Variants in VARS1 observed in about 807,000 individuals in gnomAD.
VARS1 encodes the protein valyl-tRNA synthetase 1, also known as valine--tRNA ligase.
VARS1 carries 92 observed loss-of-function variants against 161.0 expected under a neutral mutation model. The observed-to-expected ratio is 0.57, with a 90% confidence interval of 0.48 to 0.68. The LOEUF is 0.68. VARS1 is among the 30% of genes least tolerant of loss of function. VARS1 has a pLI of 0.00. For missense variants in VARS1, 1,338 were observed against 1,695.9 expected (o/e 0.79, Z 3.71); for synonymous variants, 595 against 682.5 (o/e 0.87, Z 2.00).
Position 31,784,125 on chromosome 6 carries a change from C to T in VARS1, c.1671+89G>A. On this transcript the variant is annotated intron_variant, in intron 13 of 29. Transcript: ENST00000375663. The surrounding 1 kb of genome is among the most constrained non-coding windows in gnomAD (Gnocchi z 6.1). ...TTCTAACCCAGTTTCCTCTCCTCAG[C>T]CAGGGGCCTAAGTCCAACCCCTCCA... 1 of 1,462,890 alleles carries T rather than the reference C, an allele frequency of 6.8e-7. No individual in the cohort carries two copies. Among genetic ancestry groups the T allele is most frequent in the Non-Finnish European group, 9.4e-7 (1 of 1,058,814 alleles). The allele number at this position is 1,462,890 out of a possible 1,614,324, so 90.6% of individuals were successfully genotyped here. A position where few individuals can be genotyped will look rare whatever the true frequency, so the allele number is the denominator to read the frequency against.
At chr6:31,783,950 C>T (rs707924) in intron 13 of VARS1, among the ~76,000 whole-genome samples, 36,046 of 152,020 alleles carry the variant, frequency 0.24, 4,829 homozygotes, top group African/African-American at 0.33. Context: ...CATGAGCCAC[C>T]GTGCCTGGCT....
rs1308856831 is a variant in VARS1, at chr6:31,781,626, T to C, written c.2419-20A>G. On this transcript the variant is annotated intron_variant, in intron 20 of 29. Coordinates refer to ENST00000375663, the MANE Select transcript of VARS1 (RefSeq NM_006295.3). This position sits in a 1 kb window ranked among gnomAD's most constrained non-coding sequence, Gnocchi z 6.8. ...TTCTGACTGAGGGCAGACCAGGGTGTGAAGGGGAGCCAACACCCACCCTCC... is the reference window on the plus strand; with the variant it reads ...TTCTGACTGAGGGCAGACCAGGGTGCGAAGGGGAGCCAACACCCACCCTCC... The C allele has an allele frequency of 9.3e-6, 15 of 1,612,662 alleles. No individual in the cohort carries two copies. Among genetic ancestry groups the C allele is most frequent in the Non-Finnish European group, 1.3e-5 (15 of 1,179,918 alleles).
chr6:31,795,153 G>A lies in VARS1; in HGVS notation c.65C>T (p.Ala22Val), dbSNP rs1268435074. 1 of 1,487,392 alleles carries A rather than the reference G, an allele frequency of 6.7e-7. No homozygotes were observed. Among genetic ancestry groups the A allele is most frequent in the East Asian group, 2.3e-5 (1 of 43,412 alleles). The allele number at this position is 1,487,392 out of a possible 1,614,324, so 92.1% of individuals were successfully genotyped here. The change falls in exon 2 of 30, where the codon GCT (alanine) becomes GTT (valine). Residue 22 changes from alanine to valine, a missense_variant. This residue lies in a region of VARS1 where 902 missense variants were observed against 1,090.3 expected (regional missense o/e 0.83). Coordinates refer to ENST00000375663, the MANE Select transcript of VARS1 (RefSeq NM_006295.3). This position sits in a 1 kb window ranked among gnomAD's most constrained non-coding sequence, Gnocchi z 6.9. ...AFPSLRALIA[A>V]RYGEAGEGPG... ...ACCCTCCCCAGCCTCCCCATAGCGAGCGGCTATGAGGGCTCGGAGGCTGGG... is the reference window on the plus strand; with the variant it reads ...ACCCTCCCCAGCCTCCCCATAGCGAACGGCTATGAGGGCTCGGAGGCTGGG...
In VARS1 at chr6:31,784,741, G is replaced by A; in HGVS notation, c.1348-27C>T. The A allele has an allele frequency of 6.2e-7, 1 of 1,612,690 alleles. No homozygotes were observed. The highest frequency in any genetic ancestry group is 8.5e-7 in the Non-Finnish European group (1 of 1,179,870). ...TGGGGTGGAGGAGGGAGAAGTCAGA[G>A]AGATGGGCCTTGTGCCTGGAGGCCC... On this transcript the variant is annotated intron_variant, in intron 10 of 29. Coordinates refer to ENST00000375663, the MANE Select transcript of VARS1 (RefSeq NM_006295.3). This position sits in a 1 kb window ranked among gnomAD's most constrained non-coding sequence, Gnocchi z 6.1.
chr6:31,777,956 T>C lies in VARS1; in HGVS notation c.3727-294A>G, dbSNP rs1241250860. The C allele has an allele frequency of 2.3e-5, 12 of 521,018 alleles. No individual in the cohort carries two copies. The highest frequency in any genetic ancestry group is 1.7e-4 in the African/African-American group (9 of 52,406). 32.3% of individuals were successfully genotyped at this position (521,018 alleles called of 1,614,324 possible). A position where few individuals can be genotyped will look rare whatever the true frequency, so the allele number is the denominator to read the frequency against. Reference sequence around the variant, plus strand: ...CCCACCTAAGCAGGAGAGCACAGTCTCCCAGGCCGGTCACTTCATTTGTCA... The same window carrying C: ...CCCACCTAAGCAGGAGAGCACAGTCCCCCAGGCCGGTCACTTCATTTGTCA... On this transcript the variant is annotated intron_variant, in intron 29 of 29. Transcript: ENST00000375663. This position sits in a 1 kb window ranked among gnomAD's most constrained non-coding sequence, Gnocchi z 5.8.
Position 31,779,556 on chromosome 6 carries a change from G to T in VARS1, c.3289-20C>A. On this transcript the variant is annotated intron_variant, in intron 27 of 29. Transcript: ENST00000375663. The surrounding 1 kb of genome is among the most constrained non-coding windows in gnomAD (Gnocchi z 9.1). ...GGAGCACTGTGGGGTGGAGGAGGGG[G>T]TGAGGGGGCCTGGAGGGCAGGTCAG... The T allele has an allele frequency of 6.2e-7, 1 of 1,611,988 alleles. No homozygotes were observed. The highest frequency in any genetic ancestry group is 8.5e-7 in the Non-Finnish European group (1 of 1,179,410).
At chr6:31,792,155 C>T (rs1363802596) in intron 6 of VARS1, 62 bp downstream of exon 6, 15 of 1,590,308 alleles carry the variant, frequency 9.4e-6, no homozygotes, top group Non-Finnish European at 1.3e-5. Flanking sequence ...AAGAATAGAG[C>T]AAGATAGGGT....
At chr6:31,792,682 T>C (rs1461751144) in intron 4 of VARS1, 75 bp downstream of exon 4, 1 of 1,599,666 alleles carries the variant, frequency 6.3e-7, no homozygotes, top group Admixed American at 1.7e-5. Context: ...CTGCCATTTC[T>C]AGGAAAAAAA....
Position 31,785,630 on chromosome 6 carries a change from G to T in VARS1, c.1204C>A (p.Leu402Met). The T allele has an allele frequency of 6.2e-7, 1 of 1,612,980 alleles. No individual in the cohort carries two copies. Residue 402 changes from leucine (L) to methionine (M), a missense_variant, in exon 9 of 30, where the codon CTG (leucine) becomes ATG (methionine). Physicochemically the swap from Leu to Met is conservative, Grantham distance 15. Around this residue, in one of 3 missense-constraint regions of VARS1, gnomAD observed 902 missense variants for 1,090.3 expected, o/e 0.83. Coordinates refer to ENST00000375663, the MANE Select transcript of VARS1 (RefSeq NM_006295.3). This position sits in a 1 kb window ranked among gnomAD's most constrained non-coding sequence, Gnocchi z 6.1. Reference protein sequence around the residue: ...VEKKLWREQGLSRHQLGREAF... With the variant: ...VEKKLWREQGMSRHQLGREAF... The stretch of plus-strand genomic sequence containing the variant: ...TCGCGGCCCAGCTGGTGCCGGCTCA[G>T]TCCCTGCTCACGCCATAGCTTCTTC...
At chr6:31,793,686 G>A (rs1463643662) in intron 2 of VARS1, among the ~76,000 whole-genome samples, 2 of 152,142 alleles carry the variant, frequency 1.3e-5, no homozygotes, top group African/African-American at 2.4e-5. Flanking sequence ...AGGAAAACAC[G>A]AACAGATGGA....
Position 31,792,045 on chromosome 6 carries a change from G to T in VARS1, c.872-74C>A, listed in dbSNP as rs1006616096. ...GGAAGGAGACGTGCTGGCAGAGAGGGATCGGGATCTCCGTCACTCACATCA... is the reference window on the plus strand; with the variant it reads ...GGAAGGAGACGTGCTGGCAGAGAGGTATCGGGATCTCCGTCACTCACATCA... On this transcript the variant is annotated intron_variant, in intron 6 of 29. Transcript: ENST00000375663. 3 of 1,477,770 alleles carry T rather than the reference G, an allele frequency of 2.0e-6. No homozygotes were observed. In the African/African-American group the frequency reaches 4.2e-5, roughly 21 times the overall value. 91.5% of individuals were successfully genotyped at this position (1,477,770 alleles called of 1,614,324 possible). A position where few individuals can be genotyped will look rare whatever the true frequency, so the allele number is the denominator to read the frequency against.
At chr6:31,793,565 T>C (rs976052269) in intron 2 of VARS1, among the ~76,000 whole-genome samples, 14 of 151,876 alleles carry the variant, frequency 9.2e-5, no homozygotes, top group Non-Finnish European at 1.5e-4. Flanking sequence ...AATACTTATG[T>C]GTTAGATGCA....
At position 31,778,153 on chromosome 6, in the gene VARS1, C is replaced by G. The variant is rs1812863962; in HGVS notation, c.3727-491G>C. Reference sequence around the variant, plus strand: ...CGGAACCCAGGAGGCAGGGGACAAACAAGACTGGCCTTCCAGGGTCAGCCC... The same window carrying G: ...CGGAACCCAGGAGGCAGGGGACAAAGAAGACTGGCCTTCCAGGGTCAGCCC... On this transcript the variant is annotated intron_variant, in intron 29 of 29. Transcript: ENST00000375663. This position sits in a 1 kb window ranked among gnomAD's most constrained non-coding sequence, Gnocchi z 5.1. The G allele has an allele frequency of 6.1e-6, 1 of 162,734 alleles. No individual in the cohort carries two copies. The highest frequency in any genetic ancestry group is 1.6e-4 in the South Asian group (1 of 6,172). The allele number at this position is 162,734 out of a possible 1,614,324, so 10.1% of individuals were successfully genotyped here.
At chr6:31,787,503 G>A (rs191142004) in intron 8 of VARS1, among the ~76,000 whole-genome samples, 2 of 152,216 alleles carry the variant, frequency 1.3e-5, no homozygotes, top group East Asian at 3.9e-4. Context: ...GAATTAGCTG[G>A]GCGTGGTGGT....
rs747237558 is a variant in VARS1 at position 31,781,101 on chromosome 6, C to T, written c.2567G>A (p.Arg856Gln). ...GCTCATCTTCCGGCCGTGAGCATCT[C>T]GCACGATGGCATGGAGGTAGACCTG... ...FREVYLHAIVRDAHGRKMSKS... is the reference protein window; with the variant it reads ...FREVYLHAIVQDAHGRKMSKS... Residue 856 changes from arginine to glutamine, a missense_variant, in exon 22 of 30, where the codon CGA becomes CAA. By Grantham distance (43) the Arg-to-Gln change is conservative. Around this residue, in one of 3 missense-constraint regions of VARS1, gnomAD observed 433 missense variants for 586.2 expected, o/e 0.74. Coordinates refer to ENST00000375663, the MANE Select transcript of VARS1 (RefSeq NM_006295.3). This position sits in a 1 kb window ranked among gnomAD's most constrained non-coding sequence, Gnocchi z 6.8. The T allele has an allele frequency of 3.7e-5, 59 of 1,613,200 alleles. No individual in the cohort carries two copies. In the East Asian group the frequency reaches 7.8e-4, roughly 21 times the overall value.
Position 31,791,959 on chromosome 6 carries a change from G to T in VARS1, c.884C>A (p.Pro295His). ...CCGAGGGCTGTAGGAGTCGGGCATG[G>T]GGCCACTGACATCTGGGGGAGAGGA... ...PPGEKKDVSG[P>H]MPDSYSPRYV... The change falls in exon 7 of 30, where the codon CCC (proline) becomes CAC (histidine). Residue 295 changes from proline (P) to histidine (H), a missense_variant. Around this residue, in one of 3 missense-constraint regions of VARS1, gnomAD observed 902 missense variants for 1,090.3 expected, o/e 0.83. Coordinates refer to ENST00000375663, the MANE Select transcript of VARS1 (RefSeq NM_006295.3). The surrounding 1 kb of genome is among the most constrained non-coding windows in gnomAD (Gnocchi z 5.0). The T allele has an allele frequency of 6.3e-7, 1 of 1,593,214 alleles. No individual in the cohort carries two copies. Among genetic ancestry groups the T allele is most frequent in the Non-Finnish European group, 8.6e-7 (1 of 1,168,532 alleles).
Position 31,793,078 on chromosome 6 carries a change from C to G in VARS1, c.430G>C (p.Glu144Gln), listed in dbSNP as rs754084598. 1.2e-6 allele frequency: 2 copies of G among 1,612,666 alleles called. No individual in the cohort carries two copies. The highest frequency in any genetic ancestry group is 4.5e-5 in the East Asian group (2 of 44,876). The change falls in exon 3 of 30, where the codon GAG becomes CAG. Residue 144 changes from glutamate to glutamine, a missense_variant. This residue lies in a region of VARS1 where 902 missense variants were observed against 1,090.3 expected (regional missense o/e 0.83). Transcript: ENST00000375663. ...AAGTAGGTGTGCAGCCGAAGCCACT[C>G]CTCCAAGGGGCTCAGGGCCCTGCCC... ...ALGRALSPLE[E>Q]WLRLHTYLAG...
In VARS1 at chr6:31,779,331, A is replaced by G; in HGVS notation, c.3401-39T>C. On this transcript the variant is annotated intron_variant, in intron 28 of 29. Transcript: ENST00000375663. The surrounding 1 kb of genome is among the most constrained non-coding windows in gnomAD (Gnocchi z 9.1). ...AGAAAGGTGAGGCCTAGCTCCATGG[A>G]GACAGGAAACCAAGCAGTCACTGCC... The G allele has an allele frequency of 1.2e-6, 2 of 1,601,018 alleles. No homozygotes were observed. The highest frequency in any genetic ancestry group is 2.2e-5 in the South Asian group (2 of 90,900).
chr6:31,782,787 G>A lies in VARS1; in HGVS notation c.1821C>T (p.His607=), dbSNP rs773707972. 1.4e-5 allele frequency: 23 copies of A among 1,612,876 alleles called. No individual in the cohort carries two copies. In the South Asian group the frequency reaches 1.6e-4, roughly 12 times the overall value. The change falls in exon 15 of 30, where the codon CAC becomes CAT. Residue 607 remains histidine, a synonymous_variant. Coordinates refer to ENST00000375663, the MANE Select transcript of VARS1 (RefSeq NM_006295.3). The surrounding 1 kb of genome is among the most constrained non-coding windows in gnomAD (Gnocchi z 8.3). ...DQNDYEVGQR[H]GLEAISIMDS... ...CCATGATGCTGATGGCCTCCAGCCC[G>A]TGCCGCTGCCCAACTTCATAGTCAT... is the stretch of plus-strand genomic sequence containing the variant.
Sources: allele counts gnomAD v4.1 joint callset (sites outside exome capture counted in the v4.1 genomes callset), GRCh38; gene constraint gnomAD v4.1.1; regional missense constraint gnomAD v4.1.1; non-coding constraint Gnocchi (gnomAD v3.1); transcripts MANE v1.5; gene names NCBI Gene and HGNC (gene_info 2026-07-23, HGNC 2026-07-21).